Variants in VWA3A observed in about 807,000 individuals in gnomAD.
VWA3A encodes von Willebrand factor A domain-containing protein 3A.
In VWA3A, 134 loss-of-function variants were observed where a neutral mutation model predicts 160.4. That is an observed-to-expected ratio of 0.84 (90% CI 0.73 to 0.96). The LOEUF is 0.96. Ranked by LOEUF, VWA3A falls within the 40% of genes least tolerant of loss-of-function variation. The pLI is 0.00. For synonymous variants in VWA3A, 476 were observed against 543.4 expected (o/e 0.88, Z 1.72); for missense variants, 1,310 against 1,447.9 (o/e 0.90, Z 1.55).
intron 9 of VWA3A, among the ~76,000 whole-genome samples, chr16:22,115,858 G>GAAGA (rs2045623346): frequency 1.4e-4 from 1 of 6,922 alleles, no homozygotes; most frequent in Admixed American, 1.0e-3. Flanking sequence ...AGGAAGGAAG[G>GAAGA]AAGGAAGGAA....
intron 20 of VWA3A, among the ~76,000 whole-genome samples, chr16:22,133,727 G>A (rs1433361316): frequency 3.3e-5 from 5 of 151,640 alleles, no homozygotes; most frequent in Admixed American, 6.6e-5. Flanking sequence ...GCTCACACCT[G>A]TAATCTCAGC....
In VWA3A at chr16:22,148,324, A is replaced by C; in HGVS notation, c.2984+18A>C. ...TGTGACAGGTAGGAGGCGAGGGCTG[A>C]TCAGGAAGATCAAAGGGGCAGTTCC... On this transcript the variant is annotated intron_variant, in intron 28 of 33. Transcript: ENST00000389398. The C allele has an allele frequency of 6.3e-7, 1 of 1,579,710 alleles. No individual in the cohort carries two copies. Among genetic ancestry groups the C allele is most frequent in the Non-Finnish European group, 8.6e-7 (1 of 1,162,752 alleles).
Position 22,096,863 on chromosome 16 carries a change from A to G in VWA3A, c.19A>G (p.Ile7Val). The change falls in exon 2 of 34, where the codon ATA (isoleucine) becomes GTA (valine). Residue 7 changes from isoleucine to valine, a missense_variant. Coordinates refer to ENST00000389398, the MANE Select transcript of VWA3A (RefSeq NM_173615.5). MKKYRK[I>V]SIGCFAMATQ... is the part of the protein sequence containing the mutation. ...TGGTATTCTTTTCTTCTTTAGGAAA[A>G]TAAGCATTGGGTGTTTTGCAATGGC... 1 of 1,543,374 alleles carries G rather than the reference A, an allele frequency of 6.5e-7. No homozygotes were observed.
chr16:22,141,213 G>A (rs2046142819), intron 23 of VWA3A: 1 of 481,684 alleles, frequency 2.1e-6, no homozygotes, highest in Non-Finnish European at 4.1e-6. Flanking sequence ...GTATGGCAGA[G>A]TGGCTCAGAG....
intron 25 of VWA3A, among the ~76,000 whole-genome samples, 156 bp from the exon 26 acceptor site, chr16:22,144,091 G>T (rs2046203405): frequency 6.6e-6 from 1 of 152,064 alleles, no homozygotes; most frequent in Admixed American, 6.6e-5. Flanking sequence ...AGCCAGGGAA[G>T]GAATCTGCAT....
chr16:22,139,693 T>C (rs965417827), intron 22 of VWA3A, among the ~76,000 whole-genome samples: 2 of 151,486 alleles, frequency 1.3e-5, no homozygotes, highest in Non-Finnish European at 2.9e-5. Context: ...AGACTCCATC[T>C]CAAAAAAGAA....
At position 22,119,041 on chromosome 16, in the gene VWA3A, G is replaced by A; in HGVS notation, c.1116+14G>A. On this transcript the variant is annotated intron_variant, in intron 12 of 33. Transcript: ENST00000389398. ...ACCATGGAGGAGGTAGGTGGTGCGA[G>A]TGTCAATTCTGGGGCCTTCTCCCAG... 1 of 1,598,060 alleles carries A rather than the reference G, an allele frequency of 6.3e-7. No individual in the cohort carries two copies. Among genetic ancestry groups the A allele is most frequent in the Non-Finnish European group, 8.5e-7 (1 of 1,172,312 alleles).
chr16:22,107,571 A>G lies in VWA3A; in HGVS notation c.484-1911A>G, dbSNP rs149115337. ...AGCCTGGGCAATGCAGTAAGACCCTATCTCTACAAAAAATTTTAAAAAAAA... is the reference window on the plus strand; with the variant it reads ...AGCCTGGGCAATGCAGTAAGACCCTGTCTCTACAAAAAATTTTAAAAAAAA... On this transcript the variant is annotated intron_variant, in intron 6 of 33. Coordinates refer to ENST00000389398, the MANE Select transcript of VWA3A (RefSeq NM_173615.5). Among the ~76,000 whole-genome samples the G allele has an allele frequency of 8.7e-4, 133 of 152,074 alleles. 1 individual carries two copies. Among genetic ancestry groups the G allele is most frequent in the African/African-American group, 3.0e-3 (126 of 41,508 alleles).
chr16:22,107,375 A>G (rs977131733), intron 6 of VWA3A, among the ~76,000 whole-genome samples: 2 of 152,190 alleles, frequency 1.3e-5, no homozygotes, highest in Non-Finnish European at 1.5e-5. Flanking sequence ...TATCCAGCCC[A>G]AATGTCAATA....
chr16:22,093,327 C>T (rs2141813112), intron 1 of VWA3A, among the ~76,000 whole-genome samples: 1 of 152,056 alleles, frequency 6.6e-6, no homozygotes, highest in South Asian at 2.1e-4. Flanking sequence ...AATGTATTTA[C>T]TGTTAAGTAA....
chr16:22,140,493 A>C (rs2046126770), intron 23 of VWA3A, among the ~76,000 whole-genome samples: 1 of 152,062 alleles, frequency 6.6e-6, no homozygotes, highest in South Asian at 2.1e-4. Context: ...AAGTCCCCCA[A>C]GTACTCAGAG....
intron 7 of VWA3A, 105 bp downstream of exon 7, chr16:22,109,685 T>C (rs2045527422): frequency 1.1e-6 from 1 of 940,272 alleles, no homozygotes. Context: ...CAAGATAGGG[T>C]GTCTTATAAA....
chr16:22,127,334 C>T (rs940443148), intron 17 of VWA3A, among the ~76,000 whole-genome samples: 1 of 152,038 alleles, frequency 6.6e-6, no homozygotes, highest in Non-Finnish European at 1.5e-5. Flanking sequence ...CCATGTTGGC[C>T]AGGCTGATCT....
rs367832817 is a variant in VWA3A, at chr16:22,143,991, C to T, written c.2593-256C>T. Among the ~76,000 whole-genome samples, 71 of 151,902 alleles carry T rather than the reference C, an allele frequency of 4.7e-4. 1 individual carries two copies. The highest frequency in any genetic ancestry group is 4.5e-3 in the East Asian group (23 of 5,140). ...CTGACCTCAGGAGTTTGAGAACCACCGCTGTCAGCCTCCCAAAGTGCTAGG... is the reference window on the plus strand; with the variant it reads ...CTGACCTCAGGAGTTTGAGAACCACTGCTGTCAGCCTCCCAAAGTGCTAGG... On this transcript the variant is annotated intron_variant, in intron 25 of 33. Coordinates refer to ENST00000389398, the MANE Select transcript of VWA3A (RefSeq NM_173615.5).
chr16:22,126,184 T>G lies in VWA3A; in HGVS notation c.1539T>G (p.Val513=). 1 of 1,613,858 alleles carries G rather than the reference T, an allele frequency of 6.2e-7. No homozygotes were observed. ...IWGTVCEKRV[V]VLLDISATNS... ...AGCTCGTGTTTCCTTTTAGGGTGGT[T>G]GTACTGCTCGATATCTCTGCGACCA... The change falls in exon 17 of 34, where the codon GTT becomes GTG. Residue 513 remains valine (V), a synonymous_variant. Transcript: ENST00000389398.
intron 19 of VWA3A, 177 bp from the exon 20 acceptor site, chr16:22,132,721 ACT>A (rs1190572024): frequency 1.6e-6 from 1 of 616,320 alleles, no homozygotes; most frequent in Admixed American, 3.0e-5. Flanking sequence ...CCCCAACCAC[ACT>A]CTGTTAAAAT....
At chr16:22,142,546 G>A (rs775620301) in intron 24 of VWA3A, 122 bp from the exon 25 acceptor site, 14 of 700,900 alleles carry the variant, frequency 2.0e-5, no homozygotes, top group Middle Eastern at 3.5e-4. Context: ...TGAGGGATCC[G>A]TTCCCATGAC....
intron 22 of VWA3A, among the ~76,000 whole-genome samples, chr16:22,139,064 C>A (rs2046097050): frequency 6.6e-6 from 1 of 152,126 alleles, no homozygotes; most frequent in African/African-American, 2.4e-5. Flanking sequence ...GGGAGGGACA[C>A]CTGTGAGTCC....
intron 1 of VWA3A, 90 bp from the exon 2 acceptor site, chr16:22,096,769 A>G (rs180758450): frequency 7.6e-5 from 66 of 873,244 alleles, no homozygotes; most frequent in Admixed American, 1.6e-4. Flanking sequence ...CATGTAGAAA[A>G]AGAAGCATTG....
Sources: allele counts gnomAD v4.1 joint callset (sites outside exome capture counted in the v4.1 genomes callset), GRCh38; gene constraint gnomAD v4.1.1; transcripts MANE v1.5; gene names NCBI Gene and HGNC (gene_info 2026-07-23, HGNC 2026-07-21).